ENTPD7: variants seen among roughly 807,000 people sequenced by gnomAD.
ENTPD7 encodes ectonucleoside triphosphate diphosphohydrolase 7.
ENTPD7 carries 53 observed loss-of-function variants against 77.9 expected under a neutral mutation model. The observed-to-expected ratio is 0.68, with a 90% CI of 0.55 to 0.85. The LOEUF (loss-of-function observed/expected upper bound fraction) is 0.85. Among genes scored for constraint, ENTPD7 ranks in the 40% least tolerant of loss-of-function variants. The probability of loss-of-function intolerance (pLI) is 0.00; values close to 1 mark genes in which losing one functional copy is unlikely to be tolerated. For synonymous variants in ENTPD7, 248 were observed against 274.9 expected (o/e 0.90, Z 0.97); for missense variants, 636 against 743.7 (o/e 0.86, Z 1.68).
intron 9 of ENTPD7, among the ~76,000 whole-genome samples, chr10:99,696,548 G>C (rs1400922623): frequency 6.6e-6 from 1 of 152,146 alleles, no homozygotes; most frequent in Non-Finnish European, 1.5e-5. Flanking sequence ...ATGTCTAAAA[G>C]ATAAAAAGCA....
At position 99,709,614 on chromosome 10, in the gene ENTPD7, G is replaced by T. The variant is rs576990987; in HGVS notation, c.*4931G>T. Reference sequence around the variant, plus strand: ...TTGAAAACTTTTAGGTTGTGTTCTTGGCTCATTCTCTCATAACCTGGATCT... The same window carrying T: ...TTGAAAACTTTTAGGTTGTGTTCTTTGCTCATTCTCTCATAACCTGGATCT... On this transcript the variant is annotated 3_prime_UTR_variant, in exon 13 of 13. Coordinates refer to ENST00000370489, the MANE Select transcript of ENTPD7 (RefSeq NM_020354.5). 2.6e-4 allele frequency: 261 copies of T among 985,316 alleles called. 1 individual carries two copies. In the Middle Eastern group the frequency reaches 7.8e-3, roughly 30 times the overall value. 61.0% of individuals were successfully genotyped at this position (985,316 alleles called of 1,614,324 possible).
chr10:99,709,676 A>G lies in ENTPD7; in HGVS notation c.*4993A>G. On this transcript the variant is annotated 3_prime_UTR_variant, in exon 13 of 13. Transcript: ENST00000370489. ...CTGTGGCACCCTGTTTGGGTGTCCC[A>G]TCTACCCTGTTTTCTGTTTCTGCAG... 2 of 985,430 alleles carry G rather than the reference A, an allele frequency of 2.0e-6. No homozygotes were observed. Among genetic ancestry groups the G allele is most frequent in the South Asian group, 4.7e-5 (1 of 21,284 alleles). 61.0% of individuals were successfully genotyped at this position (985,430 alleles called of 1,614,324 possible). A position where few individuals can be genotyped will look rare whatever the true frequency, so the allele number is the denominator to read the frequency against.
At position 99,695,527 on chromosome 10, in the gene ENTPD7, AAAAAG is replaced by A. The variant is rs557159630; in HGVS notation, c.844-419_844-415del. ...CACAGTGAGACTCTGTCTCAAAAAA[AAAAAG>A]AAAAGAAAAAGAAAAGGCCACAGAA... On this transcript the variant is annotated intron_variant, in intron 8 of 12. Coordinates refer to ENST00000370489, the MANE Select transcript of ENTPD7 (RefSeq NM_020354.5). Among the ~76,000 whole-genome samples, 8 of 152,106 alleles carry A rather than the reference AAAAAG, an allele frequency of 5.3e-5. No homozygotes were observed. The South Asian group carries it at 1.5e-3, about 28-fold the overall frequency.
intron 8 of ENTPD7, among the ~76,000 whole-genome samples, chr10:99,692,455 C>T (rs2078260): frequency 0.86 from 130,725 of 151,952 alleles, 56,317 homozygotes; most frequent in Middle Eastern, 0.92. Flanking sequence ...GCCAACTTAG[C>T]TTGCAAAGTT....
rs1169475631 is a variant in ENTPD7, at chr10:99,679,774, T to C, written c.447T>C (p.Arg149=). ...DTPEHASDYL[R]PLLSFAAAHV... ...CAGAACATGCCAGTGATTACCTTCGTCCTCTGCTGAGCTTTGCTGCTGCTC... is the reference window on the plus strand; with the variant it reads ...CAGAACATGCCAGTGATTACCTTCGCCCTCTGCTGAGCTTTGCTGCTGCTC... Residue 149 remains arginine (R), a synonymous_variant, in exon 5 of 13, where the codon CGT becomes CGC. Coordinates refer to ENST00000370489, the MANE Select transcript of ENTPD7 (RefSeq NM_020354.5). 6.2e-7 allele frequency: 1 copy of C among 1,614,096 alleles called. No homozygotes were observed. Among genetic ancestry groups the C allele is most frequent in the Non-Finnish European group, 8.5e-7 (1 of 1,180,042 alleles).
intron 11 of ENTPD7, 124 bp downstream of exon 11, chr10:99,701,182 GA>G: frequency 1.1e-6 from 1 of 908,318 alleles, no homozygotes; most frequent in Admixed American, 2.2e-5. Context: ...TTCCAGACTT[GA>G]TTTTCTCAGG....
chr10:99,704,339 G>A, intron 12 of ENTPD7, 113 bp from the exon 13 acceptor site: 2 of 1,045,834 alleles, frequency 1.9e-6, no homozygotes, highest in Non-Finnish European at 2.8e-6. Flanking sequence ...GTCATAAAAT[G>A]TTTATGTGGA....
At chr10:99,660,778 C>T (rs1025122425) in intron 2 of ENTPD7, among the ~76,000 whole-genome samples, 1 of 151,968 alleles carries the variant, frequency 6.6e-6, no homozygotes, top group Non-Finnish European at 1.5e-5. Flanking sequence ...GAAAATTAGC[C>T]GGGTGTGGTG....
chr10:99,700,891 A>G lies in ENTPD7; in HGVS notation c.1336-82A>G, dbSNP rs768950440. 4.3e-6 allele frequency: 5 copies of G among 1,155,762 alleles called. No individual in the cohort carries two copies. The African/African-American group carries it at 6.1e-5, about 14-fold the overall frequency. The allele number at this position is 1,155,762 out of a possible 1,614,324, so 71.6% of individuals were successfully genotyped here. On this transcript the variant is annotated intron_variant, in intron 10 of 12. Transcript: ENST00000370489. ...GCTGGTAGCCCACAAGTAACTTTAG[A>G]AATGGAACAGCTGTGACTGTGGGGA... is the stretch of plus-strand genomic sequence containing the variant.
chr10:99,701,909 T>G (rs952020472), intron 11 of ENTPD7, among the ~76,000 whole-genome samples: 4 of 151,614 alleles, frequency 2.6e-5, no homozygotes, highest in Non-Finnish European at 5.9e-5. Context: ...TTAGCAGGGT[T>G]TGGTGGCAGG....
Position 99,708,926 on chromosome 10 carries a change from T to C in ENTPD7, c.*4243T>C. On this transcript the variant is annotated 3_prime_UTR_variant, in exon 13 of 13. Transcript: ENST00000370489. The stretch of plus-strand genomic sequence containing the variant: ...TAAAACAGCTGGCCACAACTAACCA[T>C]GCCCCATCTTTACAACTGCTTCTGA... 3.0e-6 allele frequency: 3 copies of C among 985,418 alleles called. No individual in the cohort carries two copies. Among genetic ancestry groups the C allele is most frequent in the Non-Finnish European group, 3.6e-6 (3 of 829,898 alleles). 61.0% of individuals were successfully genotyped at this position (985,418 alleles called of 1,614,324 possible).
At chr10:99,678,317 A>T (rs1174460641) in intron 3 of ENTPD7, among the ~76,000 whole-genome samples, 2 of 151,064 alleles carry the variant, frequency 1.3e-5, no homozygotes, top group Non-Finnish European at 1.5e-5. Context: ...AAATACAAAA[A>T]ATTAGCCAGG....
intron 12 of ENTPD7, 116 bp from the exon 13 acceptor site, chr10:99,704,336 A>G: frequency 2.0e-6 from 2 of 1,025,080 alleles, no homozygotes; most frequent in Middle Eastern, 2.1e-4. Context: ...GGTGTCATAA[A>G]ATGTTTATGT....
rs1028035121 is a variant in ENTPD7, at chr10:99,708,165, C to A, written c.*3482C>A. On this transcript the variant is annotated 3_prime_UTR_variant, in exon 13 of 13. Transcript: ENST00000370489. ...ATGTCTTCCAAAGTATCCTGCCCCA[C>A]CCCCTCCTCATCCTAAGAGATTCCT... Among the ~76,000 whole-genome samples the A allele has an allele frequency of 2.0e-5, 3 of 152,010 alleles. No homozygotes were observed. The highest frequency in any genetic ancestry group is 4.4e-5 in the Non-Finnish European group (3 of 68,004).
At chr10:99,692,166 G>A (rs994414102) in intron 8 of ENTPD7, among the ~76,000 whole-genome samples, 1 of 152,186 alleles carries the variant, frequency 6.6e-6, no homozygotes, top group Admixed American at 6.5e-5. Flanking sequence ...TGTGATATCA[G>A]GGAGACTGTA....
chr10:99,675,896 G>A (rs1373964732), intron 3 of ENTPD7, among the ~76,000 whole-genome samples: 1 of 151,978 alleles, frequency 6.6e-6, no homozygotes, highest in Non-Finnish European at 1.5e-5. Context: ...GCGCCCAATC[G>A]TGACTAATCT....
rs926773233 is a variant in ENTPD7, at chr10:99,710,406, G to A, written c.*5723G>A. 6.1e-6 allele frequency: 6 copies of A among 985,164 alleles called. No individual in the cohort carries two copies. The highest frequency in any genetic ancestry group is 1.2e-4 in the Admixed American group (2 of 16,240). 61.0% of individuals were successfully genotyped at this position (985,164 alleles called of 1,614,324 possible). ...CCCCTTTATTTCTACCTTGATCAATGGCCTCTGCGGAGTGTAGTGAAAGAC... is the reference window on the plus strand; with the variant it reads ...CCCCTTTATTTCTACCTTGATCAATAGCCTCTGCGGAGTGTAGTGAAAGAC... On this transcript the variant is annotated 3_prime_UTR_variant, in exon 13 of 13. Transcript: ENST00000370489.
chr10:99,699,525 T>C (rs955429901), intron 10 of ENTPD7, among the ~76,000 whole-genome samples: 4 of 152,224 alleles, frequency 2.6e-5, no homozygotes, highest in African/African-American at 7.2e-5. Flanking sequence ...TGCGTGTCTC[T>C]ATCTTTTTCA....
chr10:99,695,272 C>A (rs911787976), intron 8 of ENTPD7, among the ~76,000 whole-genome samples: 2 of 152,116 alleles, frequency 1.3e-5, no homozygotes, highest in Non-Finnish European at 2.9e-5. Context: ...CACCTGTAAT[C>A]CCAGCACTTT....
Sources: gnomAD v4.1 joint callset for allele counts (sites outside exome capture counted in the v4.1 genomes callset) on GRCh38, gnomAD v4.1.1 for gene constraint, MANE v1.5 for transcripts, NCBI Gene and HGNC (gene_info 2026-07-23, HGNC 2026-07-21) for gene names.